Variants in TBX20 observed in about 807,000 individuals in gnomAD.
TBX20 encodes T-box transcription factor 20.
Under a neutral mutation model 42.9 loss-of-function variants are expected in TBX20, and 8 were observed. The ratio of observed to expected loss-of-function variants is 0.19; its 90% CI spans 0.11 to 0.34. TBX20 has a LOEUF of 0.34. Ranked by LOEUF, TBX20 falls within the 10% of genes least tolerant of loss-of-function variation. The pLI is 1.00. For missense variants in TBX20, 411 were observed against 566.0 expected (o/e 0.73, Z 2.78); for synonymous variants, 198 against 222.8 (o/e 0.89, Z 0.99).
chr7:35,229,133 C>T (rs1219903806), intron 6 of TBX20, among the ~76,000 whole-genome samples: 1 of 152,122 alleles, frequency 6.6e-6, no homozygotes, highest in Non-Finnish European at 1.5e-5. Context: ...AAACAGGAAA[C>T]TTGAAATCAT....
At chr7:35,224,241 A>G (rs918035765) in intron 6 of TBX20, among the ~76,000 whole-genome samples, 12 of 152,252 alleles carry the variant, frequency 7.9e-5, no homozygotes, top group African/African-American at 2.9e-4. Flanking sequence ...AATTAATTTG[A>G]ACAAATTAGC....
intron 1 of TBX20, among the ~76,000 whole-genome samples, chr7:35,251,888 C>T (rs180757260): frequency 2.2e-4 from 34 of 152,248 alleles, no homozygotes; most frequent in African/African-American, 7.5e-4. Context: ...GCGACAAGAA[C>T]GCCTGCTAGT....
intron 1 of TBX20, among the ~76,000 whole-genome samples, chr7:35,251,324 T>TA (rs561340214): frequency 7.8e-4 from 119 of 152,332 alleles, no homozygotes; most frequent in Non-Finnish European, 1.2e-3. Flanking sequence ...GCACAGATCA[T>TA]AAGGTGTTTT....
At chr7:35,219,546 C>T (rs1319161714) in intron 6 of TBX20, among the ~76,000 whole-genome samples, 1 of 152,230 alleles carries the variant, frequency 6.6e-6, no homozygotes, top group African/African-American at 2.4e-5. Context: ...CCAACCCCTG[C>T]TTTAGGCTAT....
chr7:35,207,456 A>G (rs1584339384), intron 6 of TBX20, among the ~76,000 whole-genome samples: 1 of 152,312 alleles, frequency 6.6e-6, no homozygotes, highest in East Asian at 1.9e-4. Context: ...TTTCCTAAAC[A>G]GTTTCTTTTC....
chr7:35,219,737 C>A (rs958956769), intron 6 of TBX20, among the ~76,000 whole-genome samples: 11 of 152,302 alleles, frequency 7.2e-5, no homozygotes, highest in Middle Eastern at 3.4e-3. Context: ...AGCAACTCTG[C>A]CAAAACATTT....
intron 4 of TBX20, among the ~76,000 whole-genome samples, chr7:35,241,442 T>C (rs1344970032): frequency 2.0e-5 from 3 of 152,314 alleles, no homozygotes; most frequent in Non-Finnish European, 2.9e-5. Context: ...TTATTATTTA[T>C]GGAGAAAAAA....
chr7:35,208,906 C>T (rs1160565720), intron 6 of TBX20, among the ~76,000 whole-genome samples: 1 of 151,484 alleles, frequency 6.6e-6, no homozygotes, highest in Admixed American at 6.6e-5. Context: ...CTCTTCTATT[C>T]CTAGTTTGCT....
chr7:35,245,137 A>C, intron 3 of TBX20, 80 bp from the exon 4 acceptor site: 1 of 1,037,158 alleles, frequency 9.6e-7, no homozygotes, highest in Non-Finnish European at 1.5e-6. Flanking sequence ...TCTAATTCTA[A>C]GGGAACACAT....
At chr7:35,204,743 T>TGTACA (rs1789371861) in intron 6 of TBX20, among the ~76,000 whole-genome samples, 161 bp from the exon 7 acceptor site, 1 of 152,202 alleles carries the variant, frequency 6.6e-6, no homozygotes, top group South Asian at 2.1e-4. Flanking sequence ...TTTATTCTGT[T>TGTACA]GTACAGTGAC....
At chr7:35,213,127 G>A (rs1348864826) in intron 6 of TBX20, among the ~76,000 whole-genome samples, 1 of 152,126 alleles carries the variant, frequency 6.6e-6, no homozygotes, top group Non-Finnish European at 1.5e-5. Context: ...CCATCCCTCA[G>A]AGATTATTGT....
intron 5 of TBX20, among the ~76,000 whole-genome samples, chr7:35,234,930 A>G (rs1037984373): frequency 5.3e-5 from 8 of 152,090 alleles, no homozygotes; most frequent in Non-Finnish European, 1.2e-4. Context: ...TTGTGAGCCC[A>G]CCATGTTCCT....
chr7:35,204,586 G>C lies in TBX20; in HGVS notation c.891-4C>G, dbSNP rs774614786. On this transcript the variant is annotated splice_region_variant and splice_polypyrimidine_tract_variant and intron_variant, in intron 6 of 7. Transcript: ENST00000408931. ...AATCAGGCTCTCCACACTTTCCCTAGGTTAGAGTGACATATCACAGGTTAA... is the reference window on the plus strand; with the variant it reads ...AATCAGGCTCTCCACACTTTCCCTACGTTAGAGTGACATATCACAGGTTAA... 1 of 1,607,114 alleles carries C rather than the reference G, an allele frequency of 6.2e-7. No homozygotes were observed. The highest frequency in any genetic ancestry group is 1.1e-5 in the South Asian group (1 of 90,746).
chr7:35,250,684 T>C (rs1790289125), intron 1 of TBX20, among the ~76,000 whole-genome samples: 1 of 152,188 alleles, frequency 6.6e-6, no homozygotes. Flanking sequence ...CTTTCCTTCC[T>C]TCCTGGAGCC....
chr7:35,243,426 G>C (rs571083142), intron 4 of TBX20, among the ~76,000 whole-genome samples: 1 of 152,256 alleles, frequency 6.6e-6, no homozygotes, highest in South Asian at 2.1e-4. Flanking sequence ...CAACGAAGCT[G>C]ATGCTAAAAG....
In TBX20 at chr7:35,249,941, T is replaced by C; in HGVS notation, c.380+10A>G. The C allele has an allele frequency of 6.3e-7, 1 of 1,590,190 alleles. No homozygotes were observed. The highest frequency in any genetic ancestry group is 8.6e-7 in the Non-Finnish European group (1 of 1,165,758). Reference sequence around the variant, plus strand: ...CCACCCCCAACCCCCAACCCCCAAGTCCCAACTACCTGCCCGACTTGGTGA... The same window carrying C: ...CCACCCCCAACCCCCAACCCCCAAGCCCCAACTACCTGCCCGACTTGGTGA... On this transcript the variant is annotated intron_variant, in intron 2 of 7. Transcript: ENST00000408931. The surrounding 1 kb of genome is among the most constrained non-coding windows in gnomAD (Gnocchi z 4.3).
chr7:35,211,983 A>C (rs1789504707), intron 6 of TBX20, among the ~76,000 whole-genome samples: 1 of 152,010 alleles, frequency 6.6e-6, no homozygotes, highest in South Asian at 2.1e-4. Flanking sequence ...AAATTTGAAA[A>C]ATTTTTAGAT....
At chr7:35,235,818 G>C (rs59132162) in intron 5 of TBX20, among the ~76,000 whole-genome samples, 3,100 of 152,254 alleles carry the variant, frequency 0.02, 87 homozygotes, top group African/African-American at 0.069. Flanking sequence ...CTTTTGCAGT[G>C]GTTATTCTGT....
chr7:35,216,236 C>A (rs1789587735), intron 6 of TBX20, among the ~76,000 whole-genome samples: 1 of 152,156 alleles, frequency 6.6e-6, no homozygotes, highest in Non-Finnish European at 1.5e-5. Context: ...GAGTTTCTGT[C>A]TCAGTAGGTC....
Sources: allele counts gnomAD v4.1 joint callset (sites outside exome capture counted in the v4.1 genomes callset), GRCh38; gene constraint gnomAD v4.1.1; non-coding constraint Gnocchi (gnomAD v3.1); transcripts MANE v1.5; gene names NCBI Gene and HGNC (gene_info 2026-07-23, HGNC 2026-07-21).